Variants in DNAH12 observed in about 807,000 individuals in gnomAD.
DNAH12 encodes axonemal beta dynein heavy chain 12.
DNAH12 carries 285 observed loss-of-function variants against 371.5 expected under a neutral mutation model. The observed-to-expected ratio is 0.77, with a 90% CI of 0.70 to 0.85. The LOEUF is 0.85. Ranked by LOEUF, DNAH12 falls within the 40% of genes least tolerant of loss-of-function variation. DNAH12 has a pLI of 0.00. For synonymous variants in DNAH12, 1,200 were observed against 1,213.0 expected (o/e 0.99, Z 0.22); for missense variants, 3,611 against 3,689.4 (o/e 0.98, Z 0.55).
rs78312950 is a variant in DNAH12 at position 57,310,193 on chromosome 3, A to T, written c.10897-339T>A. 3.0e-3 allele frequency among the ~76,000 whole-genome samples: 450 copies of T among 152,208 alleles called. 1 individual carries two copies. Among genetic ancestry groups the T allele is most frequent in the African/African-American group, 0.01 (430 of 41,540 alleles). On this transcript the variant is annotated intron_variant, in intron 67 of 73. Transcript: ENST00000495027. ...CTTATCTTCCACTAGTTTCCCCCAT[A>T]TGTTTCCTAATCACTTTCCCACAAT...
chr3:57,465,376 C>T (rs1171259718), intron 17 of DNAH12, among the ~76,000 whole-genome samples: 1 of 152,074 alleles, frequency 6.6e-6, no homozygotes, highest in African/African-American at 2.4e-5. Flanking sequence ...TAAAAAAACT[C>T]TTTCAGAAAT....
rs2069361450 is a variant in DNAH12 at position 57,542,993 on chromosome 3, A to G, written c.-33-90T>C. The G allele has an allele frequency of 1.3e-5, 13 of 971,124 alleles. No homozygotes were observed. In the South Asian group the frequency reaches 3.9e-4, roughly 29 times the overall value. 60.2% of individuals were successfully genotyped at this position (971,124 alleles called of 1,614,324 possible). A position where few individuals can be genotyped will look rare whatever the true frequency, so the allele number is the denominator to read the frequency against. On this transcript the variant is annotated intron_variant, in intron 1 of 73. Transcript: ENST00000495027. ...CTAACATATCAATACCAAAAGTAAA[A>G]TTCTAGACACTTTTGGATCTTCCTC... is the stretch of plus-strand genomic sequence containing the variant.
At chr3:57,452,769 G>A (rs1036965838) in intron 25 of DNAH12, 74 bp downstream of exon 25, 263 of 1,357,150 alleles carry the variant, frequency 1.9e-4, no homozygotes, top group Non-Finnish European at 2.5e-4. Context: ...CTCCAGGTAA[G>A]ACAAGAGAGA....
chr3:57,398,434 T>C (rs1276365534), intron 43 of DNAH12, among the ~76,000 whole-genome samples: 3 of 152,176 alleles, frequency 2.0e-5, no homozygotes, highest in Admixed American at 1.3e-4. Context: ...AAAAATTCCA[T>C]TTTATGGAAG....
chr3:57,475,111 A>G (rs1224842556), intron 13 of DNAH12, among the ~76,000 whole-genome samples: 1 of 152,250 alleles, frequency 6.6e-6, no homozygotes, highest in Non-Finnish European at 1.5e-5. Context: ...TGGACCTCAC[A>G]TTATTTACAG....
In DNAH12 at chr3:57,523,609, T is replaced by G; in HGVS notation, c.253A>C (p.Met85Leu). 6.3e-7 allele frequency: 1 copy of G among 1,576,526 alleles called. No homozygotes were observed. The highest frequency in any genetic ancestry group is 8.6e-7 in the Non-Finnish European group (1 of 1,162,800). ...LLPPPDYPQT[M>L]TSEMKKKGFN... The stretch of plus-strand genomic sequence containing the variant: ...CCTTTTTTTTTCATTTCACTGGTCA[T>G]CTGTCAAAAACAAACAGGATATAAT... The change falls in exon 4 of 74, where the codon ATG becomes CTG. Residue 85 changes from methionine (M) to leucine (L), a missense_variant and splice_region_variant. This residue lies in a region of DNAH12 where 1,314 missense variants were observed against 1,398.7 expected (regional missense o/e 0.94). Coordinates refer to ENST00000495027, the MANE Select transcript of DNAH12 (RefSeq NM_001366028.2).
At chr3:57,498,691 C>T (rs990510709) in intron 11 of DNAH12, among the ~76,000 whole-genome samples, 1 of 152,030 alleles carries the variant, frequency 6.6e-6, no homozygotes, top group African/African-American at 2.4e-5. Flanking sequence ...CAGTGAAATA[C>T]TACTAAGCAA....
In DNAH12 at chr3:57,309,198, T is replaced by C; in HGVS notation, c.11142A>G (p.Glu3714=). 1.9e-6 allele frequency: 3 copies of C among 1,550,644 alleles called. No homozygotes were observed. Among genetic ancestry groups the C allele is most frequent in the Non-Finnish European group, 2.6e-6 (3 of 1,146,754 alleles). The change falls in exon 69 of 74, where the codon GAA becomes GAG. Residue 3714 remains glutamate, a synonymous_variant. Transcript: ENST00000495027. The stretch of plus-strand genomic sequence containing the variant: ...GTACTAACACAGTATTCATGCTTTC[T>C]TCATATCTCACAGGATACTTCCGTA... ...MALRKYPVRY[E]ESMNTVLVQE...
intron 22 of DNAH12, among the ~76,000 whole-genome samples, chr3:57,457,295 T>C (rs77974203): frequency 0.01 from 1,548 of 152,342 alleles, 26 homozygotes; most frequent in African/African-American, 0.035. Flanking sequence ...TTGCTTACTC[T>C]ACTCCAGACA....
intron 22 of DNAH12, among the ~76,000 whole-genome samples, chr3:57,455,369 G>A (rs2153375264): frequency 6.6e-6 from 1 of 151,640 alleles, no homozygotes; most frequent in African/African-American, 2.4e-5. Context: ...TTCGAGACCA[G>A]CCTGGCCAAT....
At chr3:57,448,361 G>A (rs549724876) in intron 25 of DNAH12, among the ~76,000 whole-genome samples, 104 of 151,986 alleles carry the variant, frequency 6.8e-4, no homozygotes, top group African/African-American at 2.4e-3. Flanking sequence ...CATTCCTCCT[G>A]GTGGGCTCGT....
At chr3:57,453,170 AATAC>A (rs2065806103) in intron 24 of DNAH12, 73 bp downstream of exon 24, 1 of 1,476,964 alleles carries the variant, frequency 6.8e-7, no homozygotes, top group Non-Finnish European at 9.0e-7. Context: ...TTGAGAGAAG[AATAC>A]ATATAGTACA....
intron 66 of DNAH12, among the ~76,000 whole-genome samples, chr3:57,314,287 T>C (rs2061641706): frequency 1.3e-5 from 2 of 152,270 alleles, no homozygotes; most frequent in East Asian, 1.9e-4. Flanking sequence ...ATGAGTTTCA[T>C]TGTGGTTTAA....
At chr3:57,447,865 A>G (rs1431376832) in intron 25 of DNAH12, among the ~76,000 whole-genome samples, 1 of 151,966 alleles carries the variant, frequency 6.6e-6, no homozygotes, top group Non-Finnish European at 1.5e-5. Flanking sequence ...AGTAGAGAAG[A>G]GGTCTCACTG....
intron 13 of DNAH12, among the ~76,000 whole-genome samples, chr3:57,483,099 G>GAA (rs57454657): frequency 7.4e-6 from 1 of 135,556 alleles, no homozygotes. Flanking sequence ...GTGCAACATT[G>GAA]AAAAAAAAAA....
intron 13 of DNAH12, among the ~76,000 whole-genome samples, chr3:57,477,426 G>A (rs1575656971): frequency 6.6e-6 from 1 of 152,292 alleles, no homozygotes; most frequent in East Asian, 1.9e-4. Context: ...AAGTGGCCGG[G>A]AAGCTCGAAC....
intron 12 of DNAH12, among the ~76,000 whole-genome samples, chr3:57,487,755 CAT>C (rs2066981078): frequency 6.6e-6 from 1 of 152,096 alleles, no homozygotes; most frequent in Non-Finnish European, 1.5e-5. Flanking sequence ...GCTTTTATAT[CAT>C]AGCTTTATAA....
At chr3:57,337,738 A>G (rs1381762303) in intron 60 of DNAH12, among the ~76,000 whole-genome samples, 1 of 152,212 alleles carries the variant, frequency 6.6e-6, no homozygotes, top group African/African-American at 2.4e-5. Context: ...AATTATTATT[A>G]GATCTAAAGG....
upstream of DNAH12, among the ~76,000 whole-genome samples, chr3:57,549,319 C>G (rs1345371205): frequency 6.6e-6 from 1 of 152,046 alleles, no homozygotes; most frequent in Non-Finnish European, 1.5e-5. Flanking sequence ...AGTTCGAGAC[C>G]AGCCTGGCCA....
Sources: allele counts gnomAD v4.1 joint callset (sites outside exome capture counted in the v4.1 genomes callset), GRCh38; gene constraint gnomAD v4.1.1; regional missense constraint gnomAD v4.1.1; transcripts MANE v1.5; gene names NCBI Gene and HGNC (gene_info 2026-07-23, HGNC 2026-07-21).